Variants in KCNT1 observed in about 807,000 individuals in gnomAD.
KCNT1 encodes potassium sodium-activated channel subfamily T member 1.
A neutral mutation model predicts 147.8 loss-of-function variants in KCNT1; 78 were observed. That is an observed-to-expected ratio of 0.53 (90% confidence interval 0.44 to 0.64). The LOEUF (loss-of-function observed/expected upper bound fraction) is 0.64. Ranked by LOEUF, KCNT1 falls within the 30% of genes least tolerant of loss-of-function variation. KCNT1 has a pLI of 0.00. For missense variants in KCNT1, 1,419 were observed against 1,750.3 expected (o/e 0.81, Z 3.38); for synonymous variants, 867 against 748.8 (o/e 1.16, Z -2.58).
chr9:135,784,186 G>T, intron 25 of KCNT1, 61 bp downstream of exon 25: 1 of 1,295,446 alleles, frequency 7.7e-7, no homozygotes. Context: ...CATGCCCTCA[G>T]CTCTTCAGCC....
chr9:135,769,832 G>A lies in KCNT1; in HGVS notation c.1511-115G>A, dbSNP rs186996338. ...GATGCTGAAGCCGGACAGCAGACAC[G>A]GGGGTGCCAGGCAAGGGTGCATCTG... On this transcript the variant is annotated intron_variant, in intron 15 of 30. Transcript: ENST00000371757. The A allele has an allele frequency of 1.1e-4, 77 of 709,006 alleles. No homozygotes were observed. The African/African-American group carries it at 1.2e-3, about 11-fold the overall frequency. The allele number at this position is 709,006 out of a possible 1,614,324, so 43.9% of individuals were successfully genotyped here. A position where few individuals can be genotyped will look rare whatever the true frequency, so the allele number is the denominator to read the frequency against.
At chr9:135,719,173 C>G (rs776744989) in intron 2 of KCNT1, among the ~76,000 whole-genome samples, 1 of 152,228 alleles carries the variant, frequency 6.6e-6, no homozygotes, top group Non-Finnish European at 1.5e-5. Context: ...CCAGCCAGAG[C>G]CAGCTCTCAA....
chr9:135,729,792 A>G (rs527817030), intron 2 of KCNT1, among the ~76,000 whole-genome samples: 4 of 152,176 alleles, frequency 2.6e-5, no homozygotes, highest in African/African-American at 9.6e-5. Context: ...AAAATGTTGC[A>G]CGTGCCCTTG....
intron 11 of KCNT1, among the ~76,000 whole-genome samples, chr9:135,763,288 G>T (rs1832037439): frequency 8.4e-6 from 1 of 119,678 alleles, no homozygotes; most frequent in Non-Finnish European, 1.9e-5. Flanking sequence ...GTAAGGGTGG[G>T]CTGCAGTGCC....
chr9:135,788,540 G>A (rs964987910), intron 29 of KCNT1, among the ~76,000 whole-genome samples: 44 of 152,226 alleles, frequency 2.9e-4, no homozygotes, highest in Admixed American at 2.3e-3. Context: ...CCCTGTGGCC[G>A]GCCCCACAAG....
intron 27 of KCNT1, 100 bp downstream of exon 27, chr9:135,784,989 C>T: frequency 1.3e-6 from 2 of 1,496,720 alleles, no homozygotes; most frequent in Non-Finnish European, 1.8e-6. Flanking sequence ...CAGCCCCTGT[C>T]CTGTGTGACC....
intron 15 of KCNT1, among the ~76,000 whole-genome samples, 160 bp from the exon 16 acceptor site, chr9:135,769,787 C>A (rs1456155781): frequency 6.6e-6 from 1 of 152,134 alleles, no homozygotes; most frequent in South Asian, 2.1e-4. Flanking sequence ...GGGTTGAGGT[C>A]CACAGACTCT....
chr9:135,761,605 C>G (rs1831915178), intron 11 of KCNT1, among the ~76,000 whole-genome samples: 1 of 152,238 alleles, frequency 6.6e-6, no homozygotes, highest in Non-Finnish European at 1.5e-5. Context: ...CAGGGCCATC[C>G]TTGACCTTGC....
chr9:135,768,583 C>T, intron 13 of KCNT1, 27 bp from the exon 14 acceptor site: 5 of 1,546,296 alleles, frequency 3.2e-6, no homozygotes, highest in Non-Finnish European at 4.4e-6. Context: ...CCTGCTCCAC[C>T]CACGCTCAGG....
rs1588312077 is a variant in KCNT1 at position 135,752,169 on chromosome 9, A to C, written c.434+1128A>C. 2.9e-6 allele frequency: 1 copy of C among 350,220 alleles called. No individual in the cohort carries two copies. Among genetic ancestry groups the C allele is most frequent in the East Asian group, 7.6e-5 (1 of 13,108 alleles). 21.7% of individuals were successfully genotyped at this position (350,220 alleles called of 1,614,324 possible). A position where few individuals can be genotyped will look rare whatever the true frequency, so the allele number is the denominator to read the frequency against. The stretch of plus-strand genomic sequence containing the variant: ...AGCCATCGGGGTGAACCCTGCCAGC[A>C]TGCTGGTCCCCCCTCTGGCTGCGCA... On this transcript the variant is annotated intron_variant, in intron 4 of 30. Coordinates refer to ENST00000371757, the MANE Select transcript of KCNT1 (RefSeq NM_020822.3). The surrounding 1 kb of genome is among the most constrained non-coding windows in gnomAD (Gnocchi z 5.1).
At position 135,752,234 on chromosome 9, in the gene KCNT1, A is replaced by G. The variant is rs1224335940; in HGVS notation, c.434+1193A>G. ...CTGGAGAGAAGGCCTGACTGCCGGG[A>G]GCCTGGCTTCTGGGGACCTAAAGGC... On this transcript the variant is annotated intron_variant, in intron 4 of 30. Coordinates refer to ENST00000371757, the MANE Select transcript of KCNT1 (RefSeq NM_020822.3). The surrounding 1 kb of genome is among the most constrained non-coding windows in gnomAD (Gnocchi z 5.1). 1.0e-5 allele frequency: 4 copies of G among 391,950 alleles called. No homozygotes were observed. Among genetic ancestry groups the G allele is most frequent in the Non-Finnish European group, 2.0e-5 (4 of 197,602 alleles). The allele number at this position is 391,950 out of a possible 1,614,324, so 24.3% of individuals were successfully genotyped here.
intron 4 of KCNT1, 82 bp from the exon 5 acceptor site, chr9:135,753,855 G>A: frequency 6.8e-7 from 1 of 1,480,014 alleles, no homozygotes; most frequent in South Asian, 1.1e-5. Flanking sequence ...ATGAACCCGA[G>A]CCTGTGGAAG....
intron 28 of KCNT1, 71 bp downstream of exon 28, chr9:135,785,401 C>G (rs1445376695): frequency 6.5e-7 from 1 of 1,548,458 alleles, no homozygotes; most frequent in Admixed American, 1.9e-5. Flanking sequence ...ATGGAGAAGC[C>G]TGCCAGGCCC....
intron 25 of KCNT1, among the ~76,000 whole-genome samples, 162 bp from the exon 26 acceptor site, chr9:135,784,373 G>A (rs1297057921): frequency 1.3e-5 from 2 of 152,152 alleles, no homozygotes; most frequent in Non-Finnish European, 2.9e-5. Flanking sequence ...GTCATGTGGT[G>A]CTTGGGGACC....
Position 135,759,844 on chromosome 9 carries a change from G to C in KCNT1, c.1020G>C (p.Val340=). The change falls in exon 11 of 31, where the codon GTG becomes GTC. Residue 340 remains valine, a synonymous_variant. Coordinates refer to ENST00000371757, the MANE Select transcript of KCNT1 (RefSeq NM_020822.3). ...LVVIMICVAL[V]VLPLQFEELV... Reference sequence around the variant, plus strand: ...TCATCATGATCTGCGTGGCCCTCGTGGTGCTCCCACTGCAGGTGGGTCCTC... The same window carrying C: ...TCATCATGATCTGCGTGGCCCTCGTCGTGCTCCCACTGCAGGTGGGTCCTC... 1 of 1,607,198 alleles carries C rather than the reference G, an allele frequency of 6.2e-7. No individual in the cohort carries two copies. The highest frequency in any genetic ancestry group is 8.5e-7 in the Non-Finnish European group (1 of 1,176,342).
chr9:135,792,071 C>T lies in KCNT1; in HGVS notation c.3618C>T (p.His1206=), dbSNP rs577378740. Reference sequence around the variant, plus strand: ...TCATCCGCTCCGACCCCCTGGCTCACGTGGCCAGCAGCTCCCAGAGCCGGA... The same window carrying T: ...TCATCCGCTCCGACCCCCTGGCTCATGTGGCCAGCAGCTCCCAGAGCCGGA... ...VYLIRSDPLA[H]VASSSQSRKS... is the part of the protein sequence containing the mutation. Residue 1206 remains histidine, a synonymous_variant, in exon 31 of 31, where the codon CAC becomes CAT. Transcript: ENST00000371757. 2.1e-5 allele frequency: 34 copies of T among 1,604,482 alleles called. No individual in the cohort carries two copies. The highest frequency in any genetic ancestry group is 6.7e-5 in the Admixed American group (4 of 59,988).
chr9:135,732,268 C>T (rs1002073972), intron 2 of KCNT1, among the ~76,000 whole-genome samples: 1 of 152,006 alleles, frequency 6.6e-6, no homozygotes, highest in African/African-American at 2.4e-5. Flanking sequence ...ATCTGCCCGC[C>T]TCAGCCTCCC....
At chr9:135,737,140 CAG>C (rs1385992707) in intron 2 of KCNT1, 1 of 159,896 alleles carries the variant, frequency 6.3e-6, no homozygotes, top group African/African-American at 2.4e-5. Flanking sequence ...TTGGGGGAGA[CAG>C]GGCCGGCATC....
chr9:135,785,184 A>G, intron 27 of KCNT1, 126 bp from the exon 28 acceptor site: 1 of 1,387,756 alleles, frequency 7.2e-7, no homozygotes, highest in Non-Finnish European at 1.0e-6. Context: ...CCTGTGCTGC[A>G]GTCCACACAG....
Sources: gnomAD v4.1 joint callset for allele counts (sites outside exome capture counted in the v4.1 genomes callset) on GRCh38, gnomAD v4.1.1 for gene constraint, Gnocchi (gnomAD v3.1) non-coding constraint, MANE v1.5 for transcripts, NCBI Gene and HGNC (gene_info 2026-07-23, HGNC 2026-07-21) for gene names.